Variants in CA8 observed in about 807,000 individuals in gnomAD.
The protein encoded by CA8 is carbonic anhydrase 8 (inactive), also known as carbonic anhydrase-related protein.
In CA8, 22 loss-of-function variants were observed where a neutral mutation model predicts 41.4. That is an observed-to-expected ratio of 0.53 (90% CI 0.38 to 0.76). CA8 has a LOEUF of 0.76. CA8 is among the 30% of genes least tolerant of loss of function. CA8 has a pLI of 0.00. For synonymous variants in CA8, 121 were observed against 130.6 expected, an observed-to-expected ratio of 0.93 and a Z score of 0.50; for missense variants, 270 against 352.8, an observed-to-expected ratio of 0.77 and a Z score of 1.88.
intron 3 of CA8, among the ~76,000 whole-genome samples, chr8:60,235,028 A>ACTCT (rs1807783914): frequency 1.3e-5 from 2 of 152,092 alleles, no homozygotes; most frequent in African/African-American, 4.8e-5. Context: ...CAGGCACAGC[A>ACTCT]CTCTGCACCT....
intron 2 of CA8, among the ~76,000 whole-genome samples, chr8:60,271,011 G>A (rs1300201701): frequency 6.6e-6 from 1 of 152,092 alleles, no homozygotes; most frequent in Admixed American, 6.5e-5. Flanking sequence ...AACTAACCAG[G>A]TAATTCAAAT....
At chr8:60,193,669 C>T (rs976403884) in intron 8 of CA8, among the ~76,000 whole-genome samples, 1 of 152,174 alleles carries the variant, frequency 6.6e-6, no homozygotes, top group African/African-American at 2.4e-5. Context: ...TATTCAAATT[C>T]CAGATTCCTT....
chr8:60,244,785 A>G (rs940980204), intron 3 of CA8, among the ~76,000 whole-genome samples: 12 of 152,136 alleles, frequency 7.9e-5, no homozygotes, highest in Non-Finnish European at 1.3e-4. Context: ...TTCCCACTAC[A>G]CCTGGAAAGG....
Position 60,226,951 on chromosome 8 carries a change from C to T in CA8, c.514-16G>A, listed in dbSNP as rs748811755. ...CCTTTCCTATCTGAAAAACATAAAG[C>T]ATAAACCACAACCACAACATTTTTC... is the stretch of plus-strand genomic sequence containing the variant. On this transcript the variant is annotated splice_polypyrimidine_tract_variant and intron_variant, in intron 4 of 8. Coordinates refer to ENST00000317995, the MANE Select transcript of CA8 (RefSeq NM_004056.6). 18 of 1,575,278 alleles carry T rather than the reference C, an allele frequency of 1.1e-5. No individual in the cohort carries two copies. Among genetic ancestry groups the T allele is most frequent in the Non-Finnish European group, 7.9e-6 (9 of 1,145,706 alleles).
At chr8:60,269,921 G>A (rs1430500277) in intron 2 of CA8, among the ~76,000 whole-genome samples, 2 of 152,260 alleles carry the variant, frequency 1.3e-5, no homozygotes, top group African/African-American at 4.8e-5. Flanking sequence ...CAGGTAAGAT[G>A]TTCCCCAGAA....
At position 60,186,062 on chromosome 8, in the gene CA8, T is replaced by C. The variant is rs997573; in HGVS notation, c.*3959A>G. Among the ~76,000 whole-genome samples the C allele has an allele frequency of 0.29, 43,392 of 151,950 alleles. 6,435 individuals are homozygous for C. Among genetic ancestry groups the C allele is most frequent in the Middle Eastern group, 0.4 (118 of 294 alleles). ...TACTGGAGTAAGAAATCACACCAGA[T>C]GGTGACTCAAATTTACAAGACAAAA... On this transcript the variant is annotated 3_prime_UTR_variant, in exon 9 of 9. Coordinates refer to ENST00000317995, the MANE Select transcript of CA8 (RefSeq NM_004056.6).
At chr8:60,230,291 C>T (rs1454552097) in intron 4 of CA8, among the ~76,000 whole-genome samples, 3 of 152,156 alleles carry the variant, frequency 2.0e-5, no homozygotes, top group South Asian at 4.2e-4. Flanking sequence ...TGCCCTCTTG[C>T]CTCCTCCAGG....
At chr8:60,253,570 T>C (rs958503898) in intron 3 of CA8, among the ~76,000 whole-genome samples, 1 of 152,098 alleles carries the variant, frequency 6.6e-6, no homozygotes, top group Non-Finnish European at 1.5e-5. Flanking sequence ...GCTGACATCA[T>C]CTACCTGCTT....
At chr8:60,254,642 T>C (rs1808564059) in intron 3 of CA8, among the ~76,000 whole-genome samples, 1 of 152,192 alleles carries the variant, frequency 6.6e-6, no homozygotes, top group Admixed American at 6.5e-5. Context: ...AGAGGATTAG[T>C]GAGTTAAGCC....
intron 8 of CA8, among the ~76,000 whole-genome samples, chr8:60,205,274 A>C (rs1806541955): frequency 6.6e-6 from 1 of 152,226 alleles, no homozygotes; most frequent in Non-Finnish European, 1.5e-5. Flanking sequence ...AATTCATTAT[A>C]GTTACTGTAA....
chr8:60,276,471 A>T (rs1351292338), intron 2 of CA8, among the ~76,000 whole-genome samples: 1 of 152,254 alleles, frequency 6.6e-6, no homozygotes, highest in East Asian at 1.9e-4. Flanking sequence ...AAAAAATTCA[A>T]TTAACAAAAA....
At chr8:60,235,460 A>T (rs1807797377) in intron 3 of CA8, among the ~76,000 whole-genome samples, 1 of 152,222 alleles carries the variant, frequency 6.6e-6, no homozygotes, top group Admixed American at 6.5e-5. Flanking sequence ...TTTGGCAGGG[A>T]CACAATTCTG....
At chr8:60,271,864 T>C (rs1030650881) in intron 2 of CA8, among the ~76,000 whole-genome samples, 1 of 151,952 alleles carries the variant, frequency 6.6e-6, no homozygotes, top group Admixed American at 6.6e-5. Flanking sequence ...TGCAAAGATG[T>C]TTAATTTTAA....
intron 8 of CA8, among the ~76,000 whole-genome samples, chr8:60,202,426 G>A (rs1353299881): frequency 6.6e-6 from 1 of 152,030 alleles, no homozygotes; most frequent in Admixed American, 6.6e-5. Context: ...GGTGAAATGA[G>A]ACATATATGA....
At chr8:60,271,816 G>C (rs1804081914) in intron 2 of CA8, among the ~76,000 whole-genome samples, 1 of 152,188 alleles carries the variant, frequency 6.6e-6, no homozygotes, top group Admixed American at 6.5e-5. Flanking sequence ...CTAGAAATCT[G>C]TAATTATTTT....
intron 3 of CA8, among the ~76,000 whole-genome samples, chr8:60,263,715 A>G (rs1446833644): frequency 6.6e-6 from 1 of 152,168 alleles, no homozygotes; most frequent in Non-Finnish European, 1.5e-5. Context: ...GTTCTTCCAC[A>G]TGGAAACCCT....
intron 2 of CA8, among the ~76,000 whole-genome samples, chr8:60,277,540 A>C (rs1196400092): frequency 6.6e-6 from 1 of 152,130 alleles, no homozygotes; most frequent in Non-Finnish European, 1.5e-5. Flanking sequence ...TTTTTAGTAG[A>C]GATGGGGTTT....
Position 60,208,788 on chromosome 8 carries a change from C to T in CA8, c.870G>A (p.Gln290=). ...GACTTGTTCCTGTCCTCTTTGGCTACTGAAATGCAGCTCTAATGACTCTGT... is the reference window on the plus strand; with the variant it reads ...GACTTGTTCCTGTCCTCTTTGGCTATTGAAATGCAGCTCTAATGACTCTGT... ...LSDRVIRAAF[Q] Residue 290 remains glutamine, a synonymous_variant, in exon 8 of 9, where the codon CAG becomes CAA. Coordinates refer to ENST00000317995, the MANE Select transcript of CA8 (RefSeq NM_004056.6). 1 of 1,614,134 alleles carries T rather than the reference C, an allele frequency of 6.2e-7. No individual in the cohort carries two copies. The highest frequency in any genetic ancestry group is 8.5e-7 in the Non-Finnish European group (1 of 1,180,022).
intron 8 of CA8, among the ~76,000 whole-genome samples, chr8:60,191,662 T>C (rs1447536772): frequency 3.9e-5 from 6 of 152,148 alleles, no homozygotes; most frequent in Admixed American, 3.9e-4. Flanking sequence ...GGAGGACCAG[T>C]GCGCTGCAGA....
Sources: gnomAD v4.1 joint callset for allele counts (sites outside exome capture counted in the v4.1 genomes callset) on GRCh38, gnomAD v4.1.1 for gene constraint, MANE v1.5 for transcripts, NCBI Gene and HGNC (gene_info 2026-07-23, HGNC 2026-07-21) for gene names.